SLC4A4: variants seen among roughly 807,000 people sequenced by gnomAD.
SLC4A4 encodes the protein solute carrier family 4 member 4.
A neutral mutation model predicts 111.5 loss-of-function variants in SLC4A4; 27 were observed. The ratio of observed to expected loss-of-function variants is 0.24; its 90% CI spans 0.18 to 0.33. The LOEUF (loss-of-function observed/expected upper bound fraction) is 0.33, where lower values mean the gene tolerates loss of function less well. Ranked by LOEUF, SLC4A4 falls within the 10% of genes least tolerant of loss-of-function variation. The probability of loss-of-function intolerance (pLI) is 1.00; values close to 1 mark genes in which losing one functional copy is unlikely to be tolerated. For synonymous variants in SLC4A4, 443 were observed against 463.4 expected, an observed-to-expected ratio of 0.96 and a Z score of 0.57; for missense variants, 909 against 1,315.5, an observed-to-expected ratio of 0.69 and a Z score of 4.78.
intron 1 of SLC4A4, among the ~76,000 whole-genome samples, chr4:71,230,738 G>A (rs1267036337): frequency 3.3e-5 from 5 of 152,198 alleles, no homozygotes; most frequent in African/African-American, 4.8e-5. Context: ...GTGCAGCATC[G>A]TTAAGTGCAG....
intron 13 of SLC4A4, among the ~76,000 whole-genome samples, chr4:71,467,039 A>C (rs1470183412): frequency 6.7e-6 from 1 of 150,198 alleles, no homozygotes; most frequent in Non-Finnish European, 1.5e-5. Context: ...GCATTCTGGC[A>C]GTGCTTATCC....
In SLC4A4 at chr4:71,342,379, G is replaced by A. The variant is rs576813575; in HGVS notation, c.389+2874G>A. Among the ~76,000 whole-genome samples, 3 of 152,180 alleles carry A rather than the reference G, an allele frequency of 2.0e-5. No individual in the cohort carries two copies. The South Asian group carries it at 6.2e-4, about 32-fold the overall frequency. On this transcript the variant is annotated intron_variant, in intron 4 of 25. Transcript: ENST00000264485. ...AAAATACAGTGTGAGAATTGTCCTG[G>A]TGCAGCCTGAAGTGTTGGGAGATTT...
intron 15 of SLC4A4, among the ~76,000 whole-genome samples, chr4:71,488,352 C>T (rs757276405): frequency 2.0e-5 from 3 of 151,196 alleles, no homozygotes; most frequent in Non-Finnish European, 4.4e-5. Context: ...GAAACTCCAG[C>T]AATTGATATG....
At chr4:71,135,014 G>A (rs1423292428) in intron 2 of SLC4A4, among the ~76,000 whole-genome samples, 1 of 152,182 alleles carries the variant, frequency 6.6e-6, no homozygotes, top group Admixed American at 6.5e-5. Flanking sequence ...GGTTACAGTT[G>A]CCATGAGTCC....
chr4:71,283,926 GGA>G (rs1315382842), intron 3 of SLC4A4, among the ~76,000 whole-genome samples: 1 of 152,156 alleles, frequency 6.6e-6, no homozygotes, highest in Non-Finnish European at 1.5e-5. Flanking sequence ...TGCTAAATGA[GGA>G]GAGTGAACAA....
At chr4:71,415,966 T>C (rs1464299126) in intron 7 of SLC4A4, among the ~76,000 whole-genome samples, 3 of 152,204 alleles carry the variant, frequency 2.0e-5, no homozygotes, top group Non-Finnish European at 2.9e-5. Context: ...TTATTCCCAT[T>C]ATACAGATGA....
At chr4:71,088,010 A>C (rs1292105188) in intron 1 of SLC4A4, among the ~76,000 whole-genome samples, 2 of 151,974 alleles carry the variant, frequency 1.3e-5, no homozygotes, top group African/African-American at 4.9e-5. Flanking sequence ...TGGGGTGTTA[A>C]AATCTCCCAT....
chr4:71,078,236 A>C (rs980358272), intron 1 of SLC4A4, among the ~76,000 whole-genome samples: 2 of 151,826 alleles, frequency 1.3e-5, no homozygotes, highest in African/African-American at 4.9e-5. Flanking sequence ...TTCATTCATT[A>C]TTTATTTATT....
chr4:71,311,987 G>GT (rs1351841436), intron 3 of SLC4A4, among the ~76,000 whole-genome samples: 1 of 151,122 alleles, frequency 6.6e-6, no homozygotes, highest in Non-Finnish European at 1.5e-5. Context: ...GCGGGAGCTG[G>GT]TTTTTTGAAA....
intron 3 of SLC4A4, among the ~76,000 whole-genome samples, chr4:71,291,749 A>C (rs1023099096): frequency 1.3e-5 from 2 of 152,222 alleles, no homozygotes; most frequent in South Asian, 4.1e-4. Context: ...AGTTGTTATT[A>C]CTAATAAATT....
intron 16 of SLC4A4, among the ~76,000 whole-genome samples, chr4:71,525,572 G>T (rs2149200055): frequency 6.6e-6 from 1 of 152,130 alleles, no homozygotes; most frequent in South Asian, 2.1e-4. Context: ...ATATTCCTAA[G>T]ATATTGAAGT....
At chr4:71,516,869 T>TA (rs1732450166) in intron 16 of SLC4A4, among the ~76,000 whole-genome samples, 1 of 152,158 alleles carries the variant, frequency 6.6e-6, no homozygotes, top group African/African-American at 2.4e-5. Flanking sequence ...TAGGTGTCTG[T>TA]AGTCAGCCAT....
chr4:71,193,748 T>C (rs1176356385), intron 1 of SLC4A4, among the ~76,000 whole-genome samples: 1 of 152,222 alleles, frequency 6.6e-6, no homozygotes, highest in Non-Finnish European at 1.5e-5. Flanking sequence ...CTTGTTCATG[T>C]TTTTTGCTCC....
chr4:71,323,477 G>T (rs768562697), intron 3 of SLC4A4, among the ~76,000 whole-genome samples: 59 of 151,954 alleles, frequency 3.9e-4, no homozygotes, highest in Non-Finnish European at 7.4e-4. Context: ...TGAACAAAAG[G>T]CTACAAGAAG....
chr4:71,153,985 G>A (rs1282659971), intron 2 of SLC4A4, among the ~76,000 whole-genome samples: 1 of 152,156 alleles, frequency 6.6e-6, no homozygotes, highest in Admixed American at 6.5e-5. Flanking sequence ...ACAAAACAAT[G>A]TCATACAGTC....
At chr4:71,336,990 G>A (rs560586120) in intron 3 of SLC4A4, among the ~76,000 whole-genome samples, 2 of 152,136 alleles carry the variant, frequency 1.3e-5, no homozygotes, top group African/African-American at 4.8e-5. Context: ...ATCTTTGGGA[G>A]ACAAGAAGGC....
Position 71,156,573 on chromosome 4 carries a change from TGCGCGCGCGCGCGC to T in SLC4A4, c.-2+63784_-2+63797del, listed in dbSNP as rs771841334. Among the ~76,000 whole-genome samples, 433 of 85,712 alleles carry T rather than the reference TGCGCGCGCGCGCGC, an allele frequency of 5.1e-3. 2 individuals carry two copies. Among genetic ancestry groups the T allele is most frequent in the African/African-American group, 0.012 (418 of 34,064 alleles). The allele number at this position is 85,712 out of a possible 152,430, so 56.2% of individuals were successfully genotyped here. On this transcript the variant is annotated intron_variant, in intron 2 of 26. Transcript: ENST00000649996. ...ATGTCCAAATAAGTGTGTGCGCGCATGCGCGCGCGCGCGCGCACACACACACACACACACACACA... is the reference window on the plus strand; with the variant it reads ...ATGTCCAAATAAGTGTGTGCGCGCATGCACACACACACACACACACACACA...
chr4:71,256,520 G>C (rs567618745), intron 3 of SLC4A4, among the ~76,000 whole-genome samples: 72 of 152,208 alleles, frequency 4.7e-4, no homozygotes, highest in African/African-American at 1.7e-3. Context: ...ACAGAAGCTT[G>C]GAGGGGAGCT....
chr4:71,307,229 G>T (rs1725762655), intron 3 of SLC4A4, among the ~76,000 whole-genome samples: 1 of 152,064 alleles, frequency 6.6e-6, no homozygotes, highest in Non-Finnish European at 1.5e-5. Context: ...TTCCATCTAG[G>T]GTTTACCAAA....
Sources: gnomAD v4.1 joint callset for allele counts (sites outside exome capture counted in the v4.1 genomes callset) on GRCh38, gnomAD v4.1.1 for gene constraint, MANE v1.5 for transcripts, NCBI Gene and HGNC (gene_info 2026-07-23, HGNC 2026-07-21) for gene names.